CCDC3: variants seen among roughly 807,000 people sequenced by gnomAD.
The protein encoded by CCDC3 is coiled-coil domain-containing protein 3.
In CCDC3, 24 loss-of-function variants were observed where a neutral mutation model predicts 21.4. That is an observed-to-expected ratio of 1.12 (90% CI 0.81 to 1.58). The LOEUF (loss-of-function observed/expected upper bound fraction) is 1.58, where lower values mean the gene tolerates loss of function less well. CCDC3 is among the 40% of genes most tolerant of loss of function. CCDC3 has a pLI of 0.00. For missense variants in CCDC3, 425 were observed against 360.9 expected (o/e 1.18, Z -1.44); for synonymous variants, 186 against 166.0 (o/e 1.12, Z -0.93).
chr10:12,984,273 A>G (rs547797945), intron 2 of CCDC3, among the ~76,000 whole-genome samples: 1 of 152,366 alleles, frequency 6.6e-6, no homozygotes, highest in South Asian at 2.1e-4. Flanking sequence ...CCAAAAGGAC[A>G]CTATGCAAAT....
intron 3 of CCDC3, among the ~76,000 whole-genome samples, chr10:13,092,235 A>T (rs1034601847): frequency 6.6e-6 from 1 of 152,232 alleles, no homozygotes; most frequent in African/African-American, 2.4e-5. Flanking sequence ...TTATAAAAAG[A>T]TTCACAGAGA....
intron 2 of CCDC3, among the ~76,000 whole-genome samples, chr10:12,985,898 C>A (rs1185996169): frequency 6.6e-5 from 10 of 152,104 alleles, no homozygotes; most frequent in African/African-American, 2.4e-4. Flanking sequence ...TGTTTTGGGA[C>A]GGAGTTTTGC....
At chr10:12,986,751 C>G (rs528939101) in intron 2 of CCDC3, among the ~76,000 whole-genome samples, 2 of 147,460 alleles carry the variant, frequency 1.4e-5, no homozygotes, top group African/African-American at 5.0e-5. Flanking sequence ...CCAGCCTGGG[C>G]GGCAGAGCGA....
Position 12,966,925 on chromosome 10 carries a change from G to A in CCDC3, c.549+31413C>T, listed in dbSNP as rs192716097. On this transcript the variant is annotated intron_variant, in intron 2 of 2. Transcript: ENST00000378825. ...CTCAACAAACCTGGGAGGAAGGCAG[G>A]GTGTGGAAATGGAAACCCAGCTATT... Among the ~76,000 whole-genome samples, 321 of 152,284 alleles carry A rather than the reference G, an allele frequency of 2.1e-3. 1 individual carries two copies. Among genetic ancestry groups the A allele is most frequent in the Admixed American group, 0.012 (190 of 15,300 alleles).
In CCDC3 at chr10:13,047,754, G is replaced by C. The variant is rs12248419; in HGVS notation, c.-2+1920C>G. On this transcript the variant is annotated intron_variant, in intron 5 of 6. Coordinates refer to the CCDC3 transcript ENST00000378839. ...ATGGGCCTCTCTAAAGCTCTCCAGA[G>C]GGACTAAGGCCTGAGATCGGTTTGT... 4.6e-3 allele frequency among the ~76,000 whole-genome samples: 697 copies of C among 152,286 alleles called. 7 individuals are homozygous for C. The highest frequency in any genetic ancestry group is 0.016 in the African/African-American group (667 of 41,572).
intron 2 of CCDC3, among the ~76,000 whole-genome samples, chr10:12,911,998 A>G (rs1175759962): frequency 3.3e-5 from 5 of 152,194 alleles, no homozygotes; most frequent in Non-Finnish European, 7.3e-5. Context: ...GGTGCATAGT[A>G]TTCCACTGAG....
intron 2 of CCDC3, among the ~76,000 whole-genome samples, chr10:12,925,610 TATAAC>T (rs1212375888): frequency 3.3e-5 from 5 of 152,318 alleles, no homozygotes; most frequent in African/African-American, 9.6e-5. Flanking sequence ...TATCTTAAAA[TATAAC>T]ATACATGGTC....
chr10:13,079,710 T>G (rs529479129), intron 3 of CCDC3, among the ~76,000 whole-genome samples: 3 of 152,150 alleles, frequency 2.0e-5, no homozygotes, highest in African/African-American at 7.2e-5. Context: ...GTAAAAAGGA[T>G]ATTCAAAACT....
chr10:13,098,852 G>T (rs1259025976), intron 2 of CCDC3, among the ~76,000 whole-genome samples: 3 of 151,230 alleles, frequency 2.0e-5, no homozygotes, highest in Non-Finnish European at 4.4e-5. Flanking sequence ...GAGTAGCTGG[G>T]ACTACAGGAG....
chr10:12,975,030 G>C (rs1835395236), intron 2 of CCDC3, among the ~76,000 whole-genome samples: 1 of 152,170 alleles, frequency 6.6e-6, no homozygotes, highest in Non-Finnish European at 1.5e-5. Flanking sequence ...CTGAGGTTAG[G>C]AGATTTCGAG....
intron 2 of CCDC3, among the ~76,000 whole-genome samples, chr10:12,986,776 A>AC (rs2131276571): frequency 1.2e-5 from 1 of 84,570 alleles, no homozygotes; most frequent in South Asian, 4.3e-4. Flanking sequence ...CCGTCTCAAA[A>AC]AAAAAAAACA....
intron 3 of CCDC3, among the ~76,000 whole-genome samples, chr10:13,086,458 GTTTC>G (rs946298928): frequency 6.6e-6 from 1 of 152,056 alleles, no homozygotes; most frequent in African/African-American, 2.4e-5. Flanking sequence ...TCTGCAAAAG[GTTTC>G]TTTCTTTTTT....
At chr10:13,030,583 G>T (rs1233406276) in intron 5 of CCDC3, among the ~76,000 whole-genome samples, 10 of 152,048 alleles carry the variant, frequency 6.6e-5, no homozygotes, top group Non-Finnish European at 1.3e-4. Flanking sequence ...CAGTGTGCTG[G>T]ATTCAGGAGA....
In CCDC3 at chr10:12,929,755, T is replaced by C. The variant is rs150071973; in HGVS notation, c.550-31076A>G. ...ACACCATTTGATTCTAAGCTGGTCA[T>C]TACCTCTTGAGACTGTTTTAAAAGG... On this transcript the variant is annotated intron_variant, in intron 2 of 2. Coordinates refer to ENST00000378825, the MANE Select transcript of CCDC3 (RefSeq NM_031455.4). Among the ~76,000 whole-genome samples, 764 of 152,356 alleles carry C rather than the reference T, an allele frequency of 5.0e-3. 7 individuals are homozygous for C. The highest frequency in any genetic ancestry group is 0.018 in the African/African-American group (739 of 41,580).
chr10:13,093,155 G>A lies in CCDC3; in HGVS notation c.-503+5370C>T, dbSNP rs115024060. Reference sequence around the variant, plus strand: ...GCTGATAAAGATATACCTGATACTGGGTGATTTATAAAGAAAAAGAGGTTT... The same window carrying A: ...GCTGATAAAGATATACCTGATACTGAGTGATTTATAAAGAAAAAGAGGTTT... On this transcript the variant is annotated intron_variant, in intron 3 of 6. Transcript: ENST00000378839. 1.2e-3 allele frequency among the ~76,000 whole-genome samples: 183 copies of A among 152,016 alleles called. 1 individual carries two copies. The highest frequency in any genetic ancestry group is 4.3e-3 in the African/African-American group (177 of 41,422).
intron 1 of CCDC3, among the ~76,000 whole-genome samples, 178 bp downstream of exon 1, chr10:13,001,019 G>A (rs1835840827): frequency 2.0e-5 from 3 of 152,194 alleles, no homozygotes; most frequent in African/African-American, 7.2e-5. Context: ...CAGGATGTCT[G>A]TAGAGACGTC....
intron 5 of CCDC3, among the ~76,000 whole-genome samples, chr10:13,033,908 T>C (rs1836339665): frequency 6.6e-6 from 1 of 152,170 alleles, no homozygotes; most frequent in Non-Finnish European, 1.5e-5. Flanking sequence ...TGTAAACTAG[T>C]TCAACCACTG....
intron 3 of CCDC3, among the ~76,000 whole-genome samples, chr10:13,080,598 T>C (rs936429918): frequency 3.3e-5 from 5 of 152,138 alleles, no homozygotes; most frequent in African/African-American, 1.2e-4. Flanking sequence ...GAAAAATAAA[T>C]ATTGCTAAAC....
chr10:12,951,268 C>T (rs1396950796), intron 2 of CCDC3, among the ~76,000 whole-genome samples: 3 of 152,142 alleles, frequency 2.0e-5, no homozygotes, highest in Middle Eastern at 3.4e-3. Context: ...CCCAGGTACT[C>T]GGGAGGCTGA....
Sources: gnomAD v4.1 joint callset for allele counts (sites outside exome capture counted in the v4.1 genomes callset) on GRCh38, gnomAD v4.1.1 for gene constraint, MANE v1.5 for transcripts, NCBI Gene and HGNC (gene_info 2026-07-23, HGNC 2026-07-21) for gene names.